DNAJA2: variants seen among roughly 807,000 people sequenced by gnomAD.
DNAJA2 encodes the protein dnaJ homolog subfamily A member 2.
Under a neutral mutation model 49.3 loss-of-function variants are expected in DNAJA2, and 6 were observed. The ratio of observed to expected loss-of-function variants is 0.12; its 90% CI spans 0.07 to 0.24. The LOEUF is 0.24. Among genes scored for constraint, DNAJA2 ranks in the 10% least tolerant of loss-of-function variants. The pLI is 1.00. For synonymous variants in DNAJA2, 160 were observed against 172.7 expected, an observed-to-expected ratio of 0.93 and a Z score of 0.58; for missense variants, 347 against 516.8, an observed-to-expected ratio of 0.67 and a Z score of 3.19.
chr16:46,961,010 A>G (rs1961888446), intron 6 of DNAJA2, among the ~76,000 whole-genome samples: 2 of 152,060 alleles, frequency 1.3e-5, no homozygotes, highest in South Asian at 2.1e-4. Flanking sequence ...CTGTCTCTTA[A>G]ACATAATAAT....
intron 2 of DNAJA2, 117 bp from the exon 3 acceptor site, chr16:46,971,689 C>G (rs761799717): frequency 6.6e-6 from 5 of 761,334 alleles, no homozygotes; most frequent in Non-Finnish European, 8.0e-6. Context: ...GACAAGTTAC[C>G]TTTGACTTGA....
rs762799663 is a variant in DNAJA2 at position 46,971,551 on chromosome 16, A to G, written c.160T>C (p.Tyr54His). 79 of 1,587,636 alleles carry G rather than the reference A, an allele frequency of 5.0e-5. No homozygotes were observed. Among genetic ancestry groups the G allele is most frequent in the Non-Finnish European group, 6.6e-5 (78 of 1,173,026 alleles). Residue 54 changes from tyrosine (Y) to histidine (H), a missense_variant, in exon 3 of 9, where the codon TAT (tyrosine) becomes CAT (histidine). Transcript: ENST00000317089. Reference sequence around the variant, plus strand: ...TTCTCAGGATTTGATAGTACTTCATATGCAAAACTTATTTCTTTAAACTAT... The same window carrying G: ...TTCTCAGGATTTGATAGTACTTCATGTGCAAAACTTATTTCTTTAAACTAT... Reference protein sequence around the residue: ...GDKFKEISFAYEVLSNPEKRE... With the variant: ...GDKFKEISFAHEVLSNPEKRE...
rs1488379914 is a variant in DNAJA2 at position 46,971,950 on chromosome 16, G to A, written c.84C>T (p.Tyr28=). 1.9e-6 allele frequency: 3 copies of A among 1,610,684 alleles called. No homozygotes were observed. In the South Asian group the frequency reaches 3.3e-5, roughly 18 times the overall value. The change falls in exon 2 of 9, where the codon TAC becomes TAT. Residue 28 remains tyrosine, a synonymous_variant. Transcript: ENST00000317089. Reference sequence around the variant, plus strand: ...GATGATATTCCTTGGCTAACTTTCTGTATGCCTTTGAAAATGGATAAAAAC... The same window carrying A: ...GATGATATTCCTTGGCTAACTTTCTATATGCCTTTGAAAATGGATAAAAAC... The part of the protein sequence containing the change: ...GASENELKKA[Y]RKLAKEYHPD...
chr16:46,971,826 C>T (rs1962054806), intron 2 of DNAJA2, 70 bp downstream of exon 2: 2 of 1,347,268 alleles, frequency 1.5e-6, no homozygotes, highest in Non-Finnish European at 2.1e-6. Flanking sequence ...TGCAACATTC[C>T]TCTTTTTCAA....
At chr16:46,958,116 T>C (rs1388681889) in intron 8 of DNAJA2, among the ~76,000 whole-genome samples, 1 of 151,940 alleles carries the variant, frequency 6.6e-6, no homozygotes, top group Non-Finnish European at 1.5e-5. Flanking sequence ...GAGGATTGCT[T>C]GAGACCAGTC....
chr16:46,957,250 G>T, intron 8 of DNAJA2, 30 bp from the exon 9 acceptor site: 1 of 1,541,868 alleles, frequency 6.5e-7, no homozygotes, highest in Non-Finnish European at 8.7e-7. Context: ...AACCAGGTTG[G>T]TTGTAATATT....
intron 1 of DNAJA2, chr16:46,972,603 C>A (rs1962070196): frequency 6.6e-6 from 1 of 152,268 alleles, no homozygotes; most frequent in South Asian, 2.1e-4. Context: ...TACAGACTAG[C>A]ATTTCCGGTA....
At position 46,967,531 on chromosome 16, in the gene DNAJA2, A is replaced by G; in HGVS notation, c.559T>C (p.Ser187Pro). The G allele has an allele frequency of 3.7e-6, 6 of 1,614,208 alleles. No individual in the cohort carries two copies. Among genetic ancestry groups the G allele is most frequent in the Non-Finnish European group, 5.1e-6 (6 of 1,180,042 alleles). ...GMVQQMQSVC[S>P]DCNGEGEVIN... is the part of the protein sequence containing the mutation. ...CACATACCTTCTCCATTACAATCAGAGCACACAGACTGCATCTGTTGTACC... is the reference window on the plus strand; with the variant it reads ...CACATACCTTCTCCATTACAATCAGGGCACACAGACTGCATCTGTTGTACC... Residue 187 changes from serine (S) to proline (P), a missense_variant, in exon 5 of 9, where the codon TCT becomes CCT. Transcript: ENST00000317089.
rs750010396 is a variant in DNAJA2, at chr16:46,967,652, G to A, written c.444-6C>T. The A allele has an allele frequency of 3.1e-6, 5 of 1,614,122 alleles. No homozygotes were observed. In the Admixed American group the frequency reaches 5.0e-5, roughly 16 times the overall value. On this transcript the variant is annotated splice_polypyrimidine_tract_variant and splice_region_variant and intron_variant, in intron 4 of 8. Coordinates refer to ENST00000317089, the MANE Select transcript of DNAJA2 (RefSeq NM_005880.4). Reference sequence around the variant, plus strand: ...CTCCAGACTTTCCGCCTTGGCTAAAGCAAGCACAAGTTATGCATTAGGTTT... The same window carrying A: ...CTCCAGACTTTCCGCCTTGGCTAAAACAAGCACAAGTTATGCATTAGGTTT...
chr16:46,970,667 G>A (rs1383982265), intron 3 of DNAJA2, among the ~76,000 whole-genome samples: 1 of 137,170 alleles, frequency 7.3e-6, no homozygotes, highest in South Asian at 2.4e-4. Flanking sequence ...CCTGAGAGGA[G>A]GGGGATGCAG....
intron 1 of DNAJA2, 165 bp from the exon 2 acceptor site, chr16:46,972,120 T>A (rs752051027): frequency 1.6e-6 from 1 of 606,888 alleles, no homozygotes; most frequent in Non-Finnish European, 2.9e-6. Context: ...CGATACTGTT[T>A]ACTAATGTAA....
rs566039670 is a variant in DNAJA2, at chr16:46,969,183, A to G, written c.363-1019T>C. On this transcript the variant is annotated intron_variant, in intron 3 of 8. Transcript: ENST00000317089. ...AATCCTGGGAGTTAGAGGAACAAAAAAATAGTTTAAAGTATTTTACAAAGC... is the reference window on the plus strand; with the variant it reads ...AATCCTGGGAGTTAGAGGAACAAAAGAATAGTTTAAAGTATTTTACAAAGC... Among the ~76,000 whole-genome samples the G allele has an allele frequency of 4.6e-5, 7 of 152,374 alleles. No homozygotes were observed. The East Asian group carries it at 1.3e-3, about 29-fold the overall frequency.
intron 1 of DNAJA2, among the ~76,000 whole-genome samples, chr16:46,973,128 A>C (rs1325767230): frequency 1.3e-5 from 2 of 152,066 alleles, no homozygotes; most frequent in Non-Finnish European, 2.9e-5. Flanking sequence ...ACCTCGGTCC[A>C]ACCTGTTTTT....
At position 46,973,664 on chromosome 16, in the gene DNAJA2, A is replaced by G; in HGVS notation, c.-92T>C. ...GCGGCGTCGGCGGCGGCACAGGCCG[A>G]GGGAGACAGCGAGGGGGAAGCGGGG... is the stretch of plus-strand genomic sequence containing the variant. On this transcript the variant is annotated 5_prime_UTR_variant, in exon 1 of 9. Coordinates refer to ENST00000317089, the MANE Select transcript of DNAJA2 (RefSeq NM_005880.4). 1.5e-6 allele frequency: 2 copies of G among 1,358,484 alleles called. No individual in the cohort carries two copies. The highest frequency in any genetic ancestry group is 2.0e-6 in the Non-Finnish European group (2 of 991,460). 84.2% of individuals were successfully genotyped at this position (1,358,484 alleles called of 1,614,324 possible).
At chr16:46,972,001 T>A in intron 1 of DNAJA2, 46 bp from the exon 2 acceptor site, 1 of 1,341,236 alleles carries the variant, frequency 7.5e-7, no homozygotes, top group South Asian at 1.2e-5. Flanking sequence ...TAAACACCAG[T>A]TAAAAGTTTT....
intron 4 of DNAJA2, among the ~76,000 whole-genome samples, 195 bp from the exon 5 acceptor site, chr16:46,967,841 C>T (rs1260301882): frequency 6.6e-6 from 1 of 152,024 alleles, no homozygotes; most frequent in Admixed American, 6.6e-5. Flanking sequence ...ACTCTGTCAC[C>T]CAGGCTGGAG....
At chr16:46,968,698 G>C (rs540778421) in intron 3 of DNAJA2, among the ~76,000 whole-genome samples, 34 of 152,234 alleles carry the variant, frequency 2.2e-4, no homozygotes, top group Admixed American at 1.5e-3. Flanking sequence ...GATGGCATAT[G>C]TCTTAAAAAA....
chr16:46,967,777 T>C (rs1293312302), intron 4 of DNAJA2, 131 bp from the exon 5 acceptor site: 1 of 1,284,616 alleles, frequency 7.8e-7, no homozygotes, highest in African/African-American at 1.5e-5. Flanking sequence ...CTTCCAGAAG[T>C]ATCAGAAAAC....
At chr16:46,964,567 T>C (rs757626676) in intron 6 of DNAJA2, 44 bp downstream of exon 6, 8 of 1,563,648 alleles carry the variant, frequency 5.1e-6, no homozygotes, top group South Asian at 1.2e-5. Context: ...AAGAAGTACT[T>C]CTGAATAAAA....
Sources: gnomAD v4.1 joint callset for allele counts (sites outside exome capture counted in the v4.1 genomes callset) on GRCh38, gnomAD v4.1.1 for gene constraint, MANE v1.5 for transcripts, NCBI Gene and HGNC (gene_info 2026-07-23, HGNC 2026-07-21) for gene names.